The following FILIP1L variants were observed in gnomAD, a reference collection of about 807,000 sequenced individuals.
FILIP1L encodes the protein filamin A-interacting protein 1-like.
Under a neutral mutation model 96.6 loss-of-function variants are expected in FILIP1L, and 55 were observed. The ratio of observed to expected loss-of-function variants is 0.57; its 90% CI spans 0.46 to 0.71. The LOEUF (loss-of-function observed/expected upper bound fraction) is 0.71, where lower values mean the gene tolerates loss of function less well. FILIP1L is among the 30% of genes least tolerant of loss of function. The pLI is 0.00. For missense variants in FILIP1L, 1,304 were observed against 1,321.2 expected (o/e 0.99, Z 0.20); for synonymous variants, 467 against 473.9 (o/e 0.99, Z 0.19).
chr3:99,980,840 CA>C (rs1709100326), intron 1 of FILIP1L, among the ~76,000 whole-genome samples: 1 of 152,096 alleles, frequency 6.6e-6, no homozygotes, highest in African/African-American at 2.4e-5. Flanking sequence ...AGAGGCAGAA[CA>C]GGACAAGGAG....
chr3:99,864,392 T>C (rs576601097), intron 4 of FILIP1L, among the ~76,000 whole-genome samples: 1 of 152,310 alleles, frequency 6.6e-6, no homozygotes, highest in South Asian at 2.1e-4. Context: ...AGCAACTGTA[T>C]GAGCTAAGTA....
At chr3:100,073,454 CCTCGAAAAGACTGGG>C (rs2065794968) in intron 1 of FILIP1L, among the ~76,000 whole-genome samples, 1 of 152,106 alleles carries the variant, frequency 6.6e-6, no homozygotes, top group South Asian at 2.1e-4. Flanking sequence ...TCTGCAGCTT[CCTCGAAAAGACTGGG>C]GTAGAGGAGA....
chr3:100,039,643 G>A (rs1486851750), intron 1 of FILIP1L: 1 of 152,044 alleles, frequency 6.6e-6, no homozygotes, highest in Non-Finnish European at 1.5e-5. Flanking sequence ...TGATATTTCA[G>A]TATATCACCA....
At chr3:100,011,310 A>G (rs1337212686) in intron 1 of FILIP1L, among the ~76,000 whole-genome samples, 2 of 152,108 alleles carry the variant, frequency 1.3e-5, no homozygotes, top group African/African-American at 4.8e-5. Context: ...TCTATTGAGT[A>G]TCAAGCAACC....
chr3:99,885,882 T>C (rs1052326613), intron 4 of FILIP1L, among the ~76,000 whole-genome samples: 1 of 152,232 alleles, frequency 6.6e-6, no homozygotes, highest in South Asian at 2.1e-4. Context: ...AAATCTAGAA[T>C]GGGGAATCTA....
intron 1 of FILIP1L, among the ~76,000 whole-genome samples, chr3:100,086,967 T>C (rs1342392487): frequency 6.6e-6 from 1 of 152,204 alleles, no homozygotes; most frequent in Non-Finnish European, 1.5e-5. Context: ...GTATTTTGAA[T>C]CTGGTTTCTT....
intron 5 of FILIP1L, among the ~76,000 whole-genome samples, chr3:99,846,068 A>C (rs908710944): frequency 2.0e-5 from 3 of 152,248 alleles, no homozygotes; most frequent in Non-Finnish European, 4.4e-5. Flanking sequence ...GAATCCTTTC[A>C]AAATGGGTGG....
chr3:100,019,817 A>G (rs1263473452), intron 1 of FILIP1L, among the ~76,000 whole-genome samples: 1 of 152,158 alleles, frequency 6.6e-6, no homozygotes, highest in Non-Finnish European at 1.5e-5. Flanking sequence ...TTGTCATCCA[A>G]CTTCATGACT....
At chr3:99,983,446 GTATATATATATATGTGTGTATA>G (rs1280313116) in intron 1 of FILIP1L, among the ~76,000 whole-genome samples, 6 of 87,810 alleles carry the variant, frequency 6.8e-5, no homozygotes, top group African/African-American at 3.3e-4. Flanking sequence ...ATATATGTAT[GTATATATATATATGTGTGTATA>G]TATATATATA....
chr3:100,003,989 T>C (rs992093951), intron 1 of FILIP1L, among the ~76,000 whole-genome samples: 8 of 152,300 alleles, frequency 5.3e-5, no homozygotes, highest in African/African-American at 1.4e-4. Flanking sequence ...ACGGTGTATA[T>C]TGATTTTTCT....
intron 4 of FILIP1L, among the ~76,000 whole-genome samples, chr3:99,890,682 A>G (rs1395407844): frequency 4.1e-5 from 6 of 147,908 alleles, no homozygotes; most frequent in African/African-American, 1.5e-4. Flanking sequence ...TAGTTTGACC[A>G]TTTTCTATAG....
At chr3:100,071,902 A>T (rs960067120) in intron 1 of FILIP1L, among the ~76,000 whole-genome samples, 2 of 152,038 alleles carry the variant, frequency 1.3e-5, no homozygotes, top group African/African-American at 4.8e-5. Flanking sequence ...CTTCAGGGGG[A>T]CTTTGCCATA....
At chr3:99,913,582 A>G (rs1460301817) in intron 4 of FILIP1L, among the ~76,000 whole-genome samples, 1 of 152,230 alleles carries the variant, frequency 6.6e-6, no homozygotes, top group Non-Finnish European at 1.5e-5. Context: ...ATTGAATAAT[A>G]TGCAACCACT....
rs375696293 is a variant in FILIP1L, at chr3:100,071,136, T to C, written c.-11+42917A>G. The stretch of plus-strand genomic sequence containing the variant: ...TGGATGGATTAGCATTTCCAAACTT[T>C]CTTTTTAAGTTCTTATAATTACCCC... On this transcript the variant is annotated intron_variant, in intron 1 of 5. Coordinates refer to ENST00000477258, the MANE Select transcript of FILIP1L (RefSeq NM_001387850.1). 4.8e-5 allele frequency among the ~76,000 whole-genome samples: 7 copies of C among 146,668 alleles called. No homozygotes were observed. In the East Asian group the frequency reaches 1.4e-3, roughly 30 times the overall value.
chr3:99,888,651 T>C (rs1705985238), intron 4 of FILIP1L, among the ~76,000 whole-genome samples: 1 of 152,226 alleles, frequency 6.6e-6, no homozygotes, highest in Non-Finnish European at 1.5e-5. Flanking sequence ...AACAATTTTA[T>C]ATACTGGCTG....
At chr3:100,079,006 A>G (rs981885577) in intron 1 of FILIP1L, among the ~76,000 whole-genome samples, 42 of 152,356 alleles carry the variant, frequency 2.8e-4, no homozygotes, top group African/African-American at 7.7e-4. Context: ...ACGTTGGACA[A>G]GCTTGGACTA....
intron 1 of FILIP1L, 76 bp from the exon 2 acceptor site, chr3:99,931,106 A>G (rs1707468620): frequency 4.9e-6 from 6 of 1,219,656 alleles, no homozygotes; most frequent in African/African-American, 4.5e-5. Context: ...CTGCTTTAAC[A>G]AGTCTACATT....
intron 1 of FILIP1L, among the ~76,000 whole-genome samples, chr3:99,944,754 T>G (rs1707957630): frequency 6.6e-6 from 1 of 152,172 alleles, no homozygotes; most frequent in Admixed American, 6.5e-5. Context: ...CTGTGTAAAG[T>G]TGGGAGAGAC....
At chr3:99,999,641 C>T (rs1025283449) in intron 1 of FILIP1L, among the ~76,000 whole-genome samples, 1 of 152,138 alleles carries the variant, frequency 6.6e-6, no homozygotes. Context: ...TCAGTCAGCG[C>T]TTTGCTAAAC....
Sources: gnomAD v4.1 joint callset for allele counts (sites outside exome capture counted in the v4.1 genomes callset) on GRCh38, gnomAD v4.1.1 for gene constraint, MANE v1.5 for transcripts, NCBI Gene and HGNC (gene_info 2026-07-23, HGNC 2026-07-21) for gene names.